SNU13: variants seen among roughly 807,000 people sequenced by gnomAD.
SNU13 encodes NHP2-like protein 1.
SNU13 carries 2 observed loss-of-function variants against 12.4 expected under a neutral mutation model. That is an observed-to-expected ratio of 0.16 (90% CI 0.07 to 0.51). SNU13 has a LOEUF of 0.51. Ranked by LOEUF, SNU13 falls within the 20% of genes least tolerant of loss-of-function variation. The pLI is 0.96. For missense variants in SNU13, 66 were observed against 157.8 expected, an observed-to-expected ratio of 0.42 and a Z score of 3.12; for synonymous variants, 68 against 66.5, an observed-to-expected ratio of 1.02 and a Z score of -0.11.
upstream of SNU13, chr22:41,689,036 T>C (rs2147144669): frequency 4.8e-6 from 6 of 1,254,424 alleles, no homozygotes; most frequent in Non-Finnish European, 6.0e-6. Context: ...TAGTACAAAT[T>C]ATTGGCAGAA....
At chr22:41,680,988 C>T (rs1449692936) in intron 1 of SNU13, among the ~76,000 whole-genome samples, 1 of 152,172 alleles carries the variant, frequency 6.6e-6, no homozygotes, top group Non-Finnish European at 1.5e-5. Flanking sequence ...GTCAGGAGTC[C>T]ATGGGTAATC....
At chr22:41,686,516 G>A (rs1037592969) in intron 1 of SNU13, among the ~76,000 whole-genome samples, 11 of 151,574 alleles carry the variant, frequency 7.3e-5, no homozygotes, top group Non-Finnish European at 1.6e-4. Flanking sequence ...ATGTTGGCCA[G>A]GTTGAACTCC....
At chr22:41,685,252 T>C (rs2068301356) in intron 1 of SNU13, among the ~76,000 whole-genome samples, 1 of 151,868 alleles carries the variant, frequency 6.6e-6, no homozygotes, top group African/African-American at 2.4e-5. Flanking sequence ...AATAGCTCAC[T>C]GCAGCCTCGA....
At chr22:41,683,504 G>A (rs559110354) in intron 1 of SNU13, among the ~76,000 whole-genome samples, 18 of 152,110 alleles carry the variant, frequency 1.2e-4, no homozygotes, top group Non-Finnish European at 2.4e-4. Context: ...GCATCCCAAA[G>A]TACTGGGATT....
rs539977514 is a variant in SNU13, at chr22:41,678,393, C to T, written c.124+1851G>A. The stretch of plus-strand genomic sequence containing the variant: ...AGTGCATCATCAGCATATATACATG[C>T]GCCTGGCACATAGCAGGCAATCAAT... On this transcript the variant is annotated intron_variant, in intron 2 of 2. Transcript: ENST00000401959. Among the ~76,000 whole-genome samples the T allele has an allele frequency of 1.9e-4, 29 of 152,244 alleles. 2 individuals are homozygous for T. In the South Asian group the frequency reaches 3.7e-3, roughly 20 times the overall value.
intron 2 of SNU13, among the ~76,000 whole-genome samples, chr22:41,676,909 T>C (rs2068219679): frequency 6.6e-6 from 1 of 152,192 alleles, no homozygotes; most frequent in African/African-American, 2.4e-5. Context: ...TCAGTCTCCC[T>C]TTTCATGTCA....
At chr22:41,685,533 T>C (rs2068303657) in intron 1 of SNU13, among the ~76,000 whole-genome samples, 1 of 151,584 alleles carries the variant, frequency 6.6e-6, no homozygotes, top group African/African-American at 2.4e-5. Flanking sequence ...TTTGTATTAT[T>C]AGTAAAGACG....
chr22:41,677,977 T>C (rs2068228323), intron 2 of SNU13, among the ~76,000 whole-genome samples: 2 of 148,130 alleles, frequency 1.4e-5, no homozygotes, highest in South Asian at 2.1e-4. Context: ...TTTTACAGCA[T>C]TCTTTTTTTT....
chr22:41,682,563 C>A (rs1390641424), intron 1 of SNU13: 2 of 1,452,488 alleles, frequency 1.4e-6, no homozygotes, highest in African/African-American at 2.8e-5. Context: ...TTATCTTAGG[C>A]GAATTTGTCT....
intron 1 of SNU13, among the ~76,000 whole-genome samples, chr22:41,684,922 A>C (rs1412703559): frequency 6.6e-6 from 1 of 152,136 alleles, no homozygotes; most frequent in Non-Finnish European, 1.5e-5. Context: ...TGGGAGGCCA[A>C]GGTGGGTGGC....
chr22:41,686,330 C>T (rs2068309850), intron 1 of SNU13, among the ~76,000 whole-genome samples: 1 of 148,508 alleles, frequency 6.7e-6, no homozygotes, highest in African/African-American at 2.5e-5. Flanking sequence ...TAAGAGACGG[C>T]ATCTCCCTCT....
chr22:41,675,293 T>TG, intron 2 of SNU13, 98 bp from the exon 3 acceptor site: 1 of 1,442,034 alleles, frequency 6.9e-7, no homozygotes, highest in Non-Finnish European at 9.4e-7. Flanking sequence ...CAATTATGTG[T>TG]CCTAGACCGG....
At chr22:41,684,330 G>T (rs1475788654) in intron 1 of SNU13, among the ~76,000 whole-genome samples, 8 of 151,962 alleles carry the variant, frequency 5.3e-5, no homozygotes, top group Non-Finnish European at 1.2e-4. Context: ...TTCTCCTTTT[G>T]TTTTTTTTCT....
At chr22:41,685,047 T>C (rs1438088676) in intron 1 of SNU13, among the ~76,000 whole-genome samples, 4 of 150,932 alleles carry the variant, frequency 2.7e-5, no homozygotes, top group Admixed American at 2.0e-4. Context: ...TCCCAGCTAC[T>C]TGGAGGTTGA....
At chr22:41,681,272 C>T (rs1458594957) in intron 1 of SNU13, 1 of 152,214 alleles carries the variant, frequency 6.6e-6, no homozygotes, top group East Asian at 1.9e-4. Context: ...CTATCAAAGC[C>T]ATCCAGTGGC....
rs1569105627 is a variant in SNU13, at chr22:41,674,893, GGGGGAA to G, written c.*34_*39del. 6.2e-7 allele frequency: 1 copy of G among 1,601,422 alleles called. No individual in the cohort carries two copies. Among genetic ancestry groups the G allele is most frequent in the African/African-American group, 1.3e-5 (1 of 74,568 alleles). On this transcript the variant is annotated 3_prime_UTR_variant, in exon 3 of 3. Coordinates refer to ENST00000401959, the MANE Select transcript of SNU13 (RefSeq NM_001003796.2). Reference sequence around the variant, plus strand: ...CAGATAATATGATACACAACCTCAGGGGGGAAGCTGGCAGGGAGCACGTGGCAGAGG... The same window carrying G: ...CAGATAATATGATACACAACCTCAGGGCTGGCAGGGAGCACGTGGCAGAGG...
chr22:41,682,468 G>C (rs1489856260), intron 1 of SNU13: 3 of 1,597,480 alleles, frequency 1.9e-6, no homozygotes, highest in Non-Finnish European at 2.6e-6. Context: ...GCCCCCAAGA[G>C]CAGGAAGTGA....
intron 1 of SNU13, chr22:41,682,662 A>G (rs6519270): frequency 0.75 from 662,412 of 877,732 alleles, 258,662 homozygotes; most frequent in East Asian, 0.92. Flanking sequence ...GAAGACCTCC[A>G]TATTATTTTT....
chr22:41,676,710 T>C (rs1432818087), intron 2 of SNU13, among the ~76,000 whole-genome samples: 1 of 152,190 alleles, frequency 6.6e-6, no homozygotes, highest in African/African-American at 2.4e-5. Context: ...CCATCATCTA[T>C]CCCATGTGGC....
Sources: gnomAD v4.1 joint callset for allele counts (sites outside exome capture counted in the v4.1 genomes callset) on GRCh38, gnomAD v4.1.1 for gene constraint, MANE v1.5 for transcripts, NCBI Gene and HGNC (gene_info 2026-07-23, HGNC 2026-07-21) for gene names.